The following ELL variants were observed in gnomAD, a reference collection of about 807,000 sequenced individuals.
The protein encoded by ELL is elongation factor for RNA polymerase II.
In ELL, 18 loss-of-function variants were observed where a neutral mutation model predicts 64.0. That is an observed-to-expected ratio of 0.28 (90% CI 0.19 to 0.42). The LOEUF (loss-of-function observed/expected upper bound fraction) is 0.42, where lower values mean the gene tolerates loss of function less well. Among genes scored for constraint, ELL ranks in the 10% least tolerant of loss-of-function variants. The pLI is 1.00. For synonymous variants in ELL, 399 were observed against 376.2 expected (o/e 1.06, Z -0.70); for missense variants, 797 against 870.4 (o/e 0.92, Z 1.06).
At chr19:18,462,335 CTGTGTG>C (rs370735358) in intron 4 of ELL, among the ~76,000 whole-genome samples, 11 of 64,982 alleles carry the variant, frequency 1.7e-4, no homozygotes, top group African/African-American at 5.3e-4. Flanking sequence ...CTCTAGTGGG[CTGTGTG>C]TGTGTGTGTG....
At chr19:18,499,856 G>A (rs528683799) in intron 1 of ELL, among the ~76,000 whole-genome samples, 5 of 152,310 alleles carry the variant, frequency 3.3e-5, no homozygotes, top group East Asian at 1.9e-4. Flanking sequence ...GAGGAAGAGC[G>A]GGGCCGAGGG....
In ELL at chr19:18,446,096, C is replaced by T. The variant is rs913626573; in HGVS notation, c.1704+213G>A. 8 of 605,636 alleles carry T rather than the reference C, an allele frequency of 1.3e-5. No individual in the cohort carries two copies. The Middle Eastern group carries it at 1.8e-3, about 137-fold the overall frequency. The allele number at this position is 605,636 out of a possible 1,614,324, so 37.5% of individuals were successfully genotyped here. A position where few individuals can be genotyped will look rare whatever the true frequency, so the allele number is the denominator to read the frequency against. On this transcript the variant is annotated intron_variant, in intron 10 of 11. Transcript: ENST00000262809. The stretch of plus-strand genomic sequence containing the variant: ...CTGTCCCCACTGCAAAGGAGGCTGA[C>T]AAGCTGGGCTGCCTTCAAGGACTCC...
chr19:18,522,060 C>A lies in ELL; in HGVS notation c.-5G>T, dbSNP rs376022149. 6.3e-7 allele frequency: 1 copy of A among 1,599,352 alleles called. No homozygotes were observed. The highest frequency in any genetic ancestry group is 1.4e-5 in the African/African-American group (1 of 73,412). On this transcript the variant is annotated 5_prime_UTR_variant, in exon 1 of 12. Transcript: ENST00000262809. ...ATCCTCCTTCAGCGCCGCCATCTTG[C>A]GACCATCTCTCCCCCGCGCCCCCTT...
chr19:18,462,334 G>GGTGTGTGTGTGTGT (rs765676443), intron 4 of ELL, among the ~76,000 whole-genome samples: 19 of 90,568 alleles, frequency 2.1e-4, no homozygotes, highest in African/African-American at 6.3e-4. Flanking sequence ...ACTCTAGTGG[G>GGTGTGTGTGTGTGT]CTGTGTGTGT....
At chr19:18,452,874 C>T (rs1974568069) in intron 6 of ELL, among the ~76,000 whole-genome samples, 1 of 152,348 alleles carries the variant, frequency 6.6e-6, no homozygotes, top group African/African-American at 2.4e-5. Flanking sequence ...GTGTCCCCAA[C>T]GGCTGCACTG....
chr19:18,465,501 T>C lies in ELL; in HGVS notation c.380A>G (p.Tyr127Cys). 1 of 1,613,042 alleles carries C rather than the reference T, an allele frequency of 6.2e-7. No individual in the cohort carries two copies. Among genetic ancestry groups the C allele is most frequent in the Non-Finnish European group, 8.5e-7 (1 of 1,179,226 alleles). ...KITVCATDDS[Y>C]QKARQSMAQA... ...GGCCATGCTCTGCCGCGCCTTCTGG[T>C]AGGAGTCGTCGGTGGCACACACCGT... Residue 127 changes from tyrosine (Y) to cysteine (C), a missense_variant, in exon 4 of 12, where the codon TAC becomes TGC. Physicochemically the swap from Tyr to Cys is radical, Grantham distance 194. Transcript: ENST00000262809.
chr19:18,457,787 C>G (rs998978660), intron 6 of ELL, among the ~76,000 whole-genome samples: 1 of 152,136 alleles, frequency 6.6e-6, no homozygotes, highest in Non-Finnish European at 1.5e-5. Context: ...CCGGGAGTGT[C>G]GTTTGGCCTT....
At chr19:18,499,123 G>A (rs1009906420) in intron 1 of ELL, among the ~76,000 whole-genome samples, 1 of 152,138 alleles carries the variant, frequency 6.6e-6, no homozygotes, top group Non-Finnish European at 1.5e-5. Flanking sequence ...CAGTGTCAAC[G>A]ACCTCTCCTA....
At chr19:18,448,876 C>G (rs534826291) in intron 8 of ELL, 3 of 152,248 alleles carry the variant, frequency 2.0e-5, no homozygotes, top group East Asian at 3.9e-4. Context: ...ACAGCAGCTC[C>G]TCTCCCCATC....
At chr19:18,472,199 G>A (rs1296497559) in intron 2 of ELL, among the ~76,000 whole-genome samples, 1 of 152,054 alleles carries the variant, frequency 6.6e-6, no homozygotes, top group Non-Finnish European at 1.5e-5. Context: ...GATCTCTCAG[G>A]TGATCTGCCT....
intron 4 of ELL, among the ~76,000 whole-genome samples, chr19:18,465,159 T>A (rs942194735): frequency 6.6e-6 from 1 of 152,188 alleles, no homozygotes; most frequent in African/African-American, 2.4e-5. Context: ...TTTGTCCACC[T>A]CAGGCTTCAC....
At chr19:18,455,533 TG>T (rs1157218824) in intron 6 of ELL, among the ~76,000 whole-genome samples, 1 of 146,742 alleles carries the variant, frequency 6.8e-6, no homozygotes, top group Non-Finnish European at 1.5e-5. Context: ...GAAAACGCAA[TG>T]GGGAAGACTC....
chr19:18,454,166 T>C (rs777401651), intron 6 of ELL, among the ~76,000 whole-genome samples: 9 of 152,220 alleles, frequency 5.9e-5, no homozygotes, highest in Non-Finnish European at 1.0e-4. Flanking sequence ...TGACTTGTGT[T>C]ACATGAACTG....
intron 1 of ELL, among the ~76,000 whole-genome samples, chr19:18,478,069 T>A (rs192997403): frequency 6.6e-6 from 1 of 152,188 alleles, no homozygotes; most frequent in East Asian, 1.9e-4. Flanking sequence ...CAGAGCCAGC[T>A]AGGTCCCTTC....
intron 10 of ELL, 101 bp from the exon 11 acceptor site, chr19:18,445,369 G>C: frequency 9.3e-7 from 1 of 1,075,650 alleles, no homozygotes; most frequent in Non-Finnish European, 1.4e-6. Flanking sequence ...GCATGGGAGG[G>C]TGGGGCAGCC....
Position 18,477,284 on chromosome 19 carries a change from G to A in ELL, c.136-4402C>T, listed in dbSNP as rs1305652977. Among the ~76,000 whole-genome samples the A allele has an allele frequency of 2.0e-5, 3 of 152,162 alleles. No individual in the cohort carries two copies. The East Asian group carries it at 5.8e-4, about 29-fold the overall frequency. ...AAAGGGCAGCGAACTTGAAGACAAA[G>A]CCACAGGAGCCACCTAGATGAATCC... is the stretch of plus-strand genomic sequence containing the variant. On this transcript the variant is annotated intron_variant, in intron 1 of 11. Coordinates refer to ENST00000262809, the MANE Select transcript of ELL (RefSeq NM_006532.4).
At chr19:18,493,334 G>A (rs950517338) in intron 1 of ELL, among the ~76,000 whole-genome samples, 1 of 152,242 alleles carries the variant, frequency 6.6e-6, no homozygotes, top group African/African-American at 2.4e-5. Flanking sequence ...GATGGGCTCT[G>A]TGCTGCGGCC....
chr19:18,452,267 A>G (rs1001003650), intron 6 of ELL, among the ~76,000 whole-genome samples: 65 of 151,700 alleles, frequency 4.3e-4, no homozygotes, highest in African/African-American at 1.5e-3. Context: ...GTGCCATCTC[A>G]GGGCAGCCTA....
rs939393973 is a variant in ELL, at chr19:18,450,470, C to T, written c.1465+7G>A. 3 of 1,610,496 alleles carry T rather than the reference C, an allele frequency of 1.9e-6. No homozygotes were observed. Among genetic ancestry groups the T allele is most frequent in the South Asian group, 2.2e-5 (2 of 90,984 alleles). Reference sequence around the variant, plus strand: ...CCCCGGCAACGCCCTCCTGCCTGGGCACCTACCTGGGGTGTCTGCTGGGGC... The same window carrying T: ...CCCCGGCAACGCCCTCCTGCCTGGGTACCTACCTGGGGTGTCTGCTGGGGC... On this transcript the variant is annotated splice_region_variant and intron_variant, in intron 8 of 11. Coordinates refer to ENST00000262809, the MANE Select transcript of ELL (RefSeq NM_006532.4).
Sources: gnomAD v4.1 joint callset for allele counts (sites outside exome capture counted in the v4.1 genomes callset) on GRCh38, gnomAD v4.1.1 for gene constraint, MANE v1.5 for transcripts, NCBI Gene and HGNC (gene_info 2026-07-23, HGNC 2026-07-21) for gene names.